Variants in SORCS1 observed in about 807,000 individuals in gnomAD.
SORCS1 encodes the protein sortilin related VPS10 domain containing receptor 1, also known as VPS10 domain-containing receptor SorCS1.
Under a neutral mutation model 146.1 loss-of-function variants are expected in SORCS1, and 60 were observed. That is an observed-to-expected ratio of 0.41 (90% CI 0.33 to 0.51). The LOEUF (loss-of-function observed/expected upper bound fraction) is 0.51. Ranked by LOEUF, SORCS1 falls within the 20% of genes least tolerant of loss-of-function variation. SORCS1 has a pLI of 0.21. For missense variants in SORCS1, 1,352 were observed against 1,487.6 expected, an observed-to-expected ratio of 0.91 and a Z score of 1.50; for synonymous variants, 637 against 584.0, an observed-to-expected ratio of 1.09 and a Z score of -1.31.
intron 1 of SORCS1, among the ~76,000 whole-genome samples, chr10:106,984,593 C>G (rs976972396): frequency 2.6e-5 from 4 of 151,738 alleles, no homozygotes; most frequent in Non-Finnish European, 5.9e-5. Flanking sequence ...TGGGGTTTCA[C>G]CGTGTTAGCC....
At chr10:107,070,078 A>G (rs547299938) in intron 1 of SORCS1, among the ~76,000 whole-genome samples, 2 of 152,354 alleles carry the variant, frequency 1.3e-5, no homozygotes, top group South Asian at 4.1e-4. Context: ...GAATCATACA[A>G]TATGTGACTT....
chr10:106,665,025 T>C (rs953084606), intron 17 of SORCS1, among the ~76,000 whole-genome samples: 3 of 152,180 alleles, frequency 2.0e-5, no homozygotes, highest in Admixed American at 6.5e-5. Context: ...AAAAGTGTTA[T>C]TTATATTTCC....
In SORCS1 at chr10:106,706,621, C is replaced by T. The variant is rs867107442; in HGVS notation, c.1157G>A (p.Gly386Glu). ...HYVFVQLTSG[G>E]RPHYYVSYRR... ...GTAGGACACGTAGTAATGTGGCCGC[C>T]CTCCTGATGTCAGCTGGATCATAAA... The change falls in exon 8 of 26, where the codon GGG (glycine) becomes GAG (glutamate). Residue 386 changes from glycine to glutamate, a missense_variant. Around this residue, in one of 3 missense-constraint regions of SORCS1, gnomAD observed 648 missense variants for 793.8 expected, o/e 0.82. Transcript: ENST00000263054. 2 of 1,614,078 alleles carry T rather than the reference C, an allele frequency of 1.2e-6. No individual in the cohort carries two copies. The highest frequency in any genetic ancestry group is 1.7e-6 in the Non-Finnish European group (2 of 1,179,982).
intron 18 of SORCS1, among the ~76,000 whole-genome samples, chr10:106,642,743 C>T (rs2133688695): frequency 6.6e-6 from 1 of 151,886 alleles, no homozygotes; most frequent in South Asian, 2.1e-4. Context: ...TAAACAGTGT[C>T]AGGCACACTA....
intron 5 of SORCS1, among the ~76,000 whole-genome samples, chr10:106,745,354 T>C (rs1034256149): frequency 6.8e-6 from 1 of 147,994 alleles, no homozygotes; most frequent in Non-Finnish European, 1.5e-5. Flanking sequence ...GAGCTTGCAA[T>C]AAGCGGAGAT....
At chr10:107,151,786 G>C (rs1364370956) in intron 1 of SORCS1, among the ~76,000 whole-genome samples, 1 of 152,204 alleles carries the variant, frequency 6.6e-6, no homozygotes, top group Non-Finnish European at 1.5e-5. Flanking sequence ...AAATGATTTA[G>C]GGTATCTGGT....
At chr10:107,069,230 A>G (rs1197718369) in intron 1 of SORCS1, among the ~76,000 whole-genome samples, 1 of 152,106 alleles carries the variant, frequency 6.6e-6, no homozygotes, top group African/African-American at 2.4e-5. Flanking sequence ...AGAAGAGGGG[A>G]TGTGATTACA....
chr10:106,652,445 C>T lies in SORCS1; in HGVS notation c.2412G>A (p.Thr804=), dbSNP rs375256122. Reference sequence around the variant, plus strand: ...GTTCCGCTGTCAGCTTTCCATCAGCCGTGACTATCCGCAGCCCCCGCGGGG... The same window carrying T: ...GTTCCGCTGTCAGCTTTCCATCAGCTGTGACTATCCGCAGCCCCCGCGGGG... The part of the protein sequence containing the change: ...GKAPRGLRIV[T]ADGKLTAEQG... Residue 804 remains threonine, a synonymous_variant, in exon 18 of 26, where the codon ACG becomes ACA. Transcript: ENST00000263054. The T allele has an allele frequency of 6.8e-5, 110 of 1,613,976 alleles. No individual in the cohort carries two copies. The highest frequency in any genetic ancestry group is 6.7e-5 in the African/African-American group (5 of 74,910).
intron 1 of SORCS1, among the ~76,000 whole-genome samples, chr10:107,033,229 G>A (rs905532913): frequency 5.9e-5 from 9 of 152,138 alleles, no homozygotes; most frequent in Non-Finnish European, 1.2e-4. Flanking sequence ...CAGATCTCGT[G>A]AGAACTCACT....
intron 1 of SORCS1, among the ~76,000 whole-genome samples, chr10:107,131,743 C>G (rs1217337161): frequency 2.0e-5 from 3 of 152,164 alleles, no homozygotes; most frequent in Non-Finnish European, 2.9e-5. Flanking sequence ...TTCTTTTATA[C>G]TTGAGAATAA....
At chr10:107,057,799 C>T (rs1274355616) in intron 1 of SORCS1, among the ~76,000 whole-genome samples, 3 of 152,294 alleles carry the variant, frequency 2.0e-5, no homozygotes, top group African/African-American at 4.8e-5. Context: ...AATATGTCCA[C>T]GGACCTTGTG....
At chr10:106,804,200 GCTA>G (rs1195691353) in intron 3 of SORCS1, among the ~76,000 whole-genome samples, 1 of 152,032 alleles carries the variant, frequency 6.6e-6, no homozygotes, top group Non-Finnish European at 1.5e-5. Context: ...GACAAATATG[GCTA>G]CTTGCCATAT....
intron 2 of SORCS1, among the ~76,000 whole-genome samples, chr10:106,836,771 A>C (rs1447863358): frequency 6.6e-6 from 1 of 152,288 alleles, no homozygotes; most frequent in Admixed American, 6.5e-5. Flanking sequence ...AACTCTCACA[A>C]GGATCTATGA....
intron 5 of SORCS1, among the ~76,000 whole-genome samples, chr10:106,745,507 A>T (rs1489950152): frequency 6.6e-6 from 1 of 152,234 alleles, no homozygotes; most frequent in African/African-American, 2.4e-5. Flanking sequence ...CACTACAGTA[A>T]TAATTGCTGT....
intron 1 of SORCS1, among the ~76,000 whole-genome samples, chr10:106,993,898 C>A (rs1218918491): frequency 1.3e-5 from 2 of 151,634 alleles, no homozygotes; most frequent in Admixed American, 6.6e-5. Context: ...CATGGTGAAA[C>A]CCCATCTCTA....
chr10:106,783,021 A>C (rs780696135), intron 3 of SORCS1, among the ~76,000 whole-genome samples: 1 of 152,250 alleles, frequency 6.6e-6, no homozygotes, highest in African/African-American at 2.4e-5. Flanking sequence ...TACAATCACA[A>C]GAAATAGTAA....
At chr10:106,605,265 G>A (rs562102091) in intron 23 of SORCS1, among the ~76,000 whole-genome samples, 16 of 152,374 alleles carry the variant, frequency 1.1e-4, no homozygotes, top group African/African-American at 3.4e-4. Flanking sequence ...AAAGCAGACA[G>A]TCAAAGCAAG....
chr10:107,070,197 A>G (rs1443278395), intron 1 of SORCS1, among the ~76,000 whole-genome samples: 2 of 152,082 alleles, frequency 1.3e-5, no homozygotes, highest in Non-Finnish European at 2.9e-5. Flanking sequence ...TTATCAGTGT[A>G]TTTGTTCTTG....
chr10:106,599,586 C>G (rs1251046815), intron 23 of SORCS1, among the ~76,000 whole-genome samples: 6 of 152,072 alleles, frequency 3.9e-5, no homozygotes, highest in African/African-American at 1.2e-4. Flanking sequence ...TGCACACACA[C>G]AGATACAGAA....
Sources: gnomAD v4.1 joint callset for allele counts (sites outside exome capture counted in the v4.1 genomes callset) on GRCh38, gnomAD v4.1.1 for gene constraint, gnomAD v4.1.1 regional missense constraint, MANE v1.5 for transcripts, NCBI Gene and HGNC (gene_info 2026-07-23, HGNC 2026-07-21) for gene names.